CDC14B: variants seen among roughly 807,000 people sequenced by gnomAD.
The protein encoded by CDC14B is dual specificity protein phosphatase CDC14B.
CDC14B carries 22 observed loss-of-function variants against 64.2 expected under a neutral mutation model. That is an observed-to-expected ratio of 0.34 (90% CI 0.24 to 0.49). The LOEUF is 0.49. Ranked by LOEUF, CDC14B falls within the 20% of genes least tolerant of loss-of-function variation. The probability of loss-of-function intolerance (pLI) is 0.99; values close to 1 mark genes in which losing one functional copy is unlikely to be tolerated. For synonymous variants in CDC14B, 191 were observed against 215.8 expected (o/e 0.89, Z 1.01); for missense variants, 498 against 629.9 (o/e 0.79, Z 2.24).
chr9:96,593,857 T>G (rs1845915063), intron 1 of CDC14B, among the ~76,000 whole-genome samples: 1 of 152,048 alleles, frequency 6.6e-6, no homozygotes, highest in Non-Finnish European at 1.5e-5. Flanking sequence ...ATGATAAAGA[T>G]GATAAACCAG....
chr9:96,518,088 G>A (rs1009344368), intron 12 of CDC14B, among the ~76,000 whole-genome samples: 19 of 152,240 alleles, frequency 1.2e-4, no homozygotes, highest in Admixed American at 2.6e-4. Flanking sequence ...TGGTCACCTG[G>A]ATACATCTGT....
At chr9:96,533,083 CAGCCTCCAAAGT>C in intron 9 of CDC14B, among the ~76,000 whole-genome samples, 1 of 152,240 alleles carries the variant, frequency 6.6e-6, no homozygotes, top group East Asian at 1.9e-4. Flanking sequence ...TTTTGTGCCT[CAGCCTCCAAAGT>C]AGCTGGGATT....
intron 1 of CDC14B, among the ~76,000 whole-genome samples, chr9:96,613,500 T>A (rs938232015): frequency 6.6e-6 from 1 of 152,240 alleles, no homozygotes. Context: ...AGGAGTGACA[T>A]TTGAAACTGT....
At chr9:96,552,797 G>A (rs1841998643) in intron 4 of CDC14B, among the ~76,000 whole-genome samples, 1 of 152,108 alleles carries the variant, frequency 6.6e-6, no homozygotes, top group Non-Finnish European at 1.5e-5. Flanking sequence ...TGTACGGAAG[G>A]TTGGGGTTGG....
chr9:96,524,139 T>C (rs1837208519), intron 9 of CDC14B, among the ~76,000 whole-genome samples: 1 of 152,240 alleles, frequency 6.6e-6, no homozygotes. Context: ...GGCTTCACCA[T>C]GTTGGCCAAG....
intron 1 of CDC14B, among the ~76,000 whole-genome samples, chr9:96,611,708 GGAAAGGTCCTTT>G (rs1457008407): frequency 6.6e-6 from 1 of 151,968 alleles, no homozygotes; most frequent in Non-Finnish European, 1.5e-5. Context: ...CATTAAGCAT[GGAAAGGTCCTTT>G]GAAAGCAATT....
chr9:96,520,470 C>T (rs549407825), intron 12 of CDC14B, among the ~76,000 whole-genome samples: 3 of 152,240 alleles, frequency 2.0e-5, no homozygotes, highest in East Asian at 1.9e-4. Flanking sequence ...CTCAGCCTCC[C>T]GCATAGCCTG....
At chr9:96,557,267 C>T (rs934328717) in intron 4 of CDC14B, among the ~76,000 whole-genome samples, 5 of 152,350 alleles carry the variant, frequency 3.3e-5, no homozygotes, top group Middle Eastern at 3.4e-3. Context: ...CAGCCCAGTT[C>T]GCCTCACACT....
chr9:96,567,133 C>T, intron 1 of CDC14B: 2 of 511,924 alleles, frequency 3.9e-6, no homozygotes, highest in Non-Finnish European at 6.7e-6. Context: ...CGGCCTGTGC[C>T]AACCAGGGCT....
intron 1 of CDC14B, among the ~76,000 whole-genome samples, chr9:96,576,872 A>G (rs1844842142): frequency 6.6e-6 from 1 of 152,190 alleles, no homozygotes; most frequent in African/African-American, 2.4e-5. Flanking sequence ...TTCAGTTGTC[A>G]TGTGTTAGGT....
At chr9:96,539,658 A>G (rs989298236) in intron 6 of CDC14B, among the ~76,000 whole-genome samples, 1 of 152,224 alleles carries the variant, frequency 6.6e-6, no homozygotes, top group Non-Finnish European at 1.5e-5. Context: ...ATGTTCCCTA[A>G]AGTAAACAGC....
At chr9:96,549,434 A>C in intron 5 of CDC14B, among the ~76,000 whole-genome samples, 1 of 152,166 alleles carries the variant, frequency 6.6e-6, no homozygotes, top group Non-Finnish European at 1.5e-5. Context: ...TGGGAGGCTG[A>C]GGCGGGCGGA....
intron 1 of CDC14B, among the ~76,000 whole-genome samples, chr9:96,576,567 A>G (rs1424383185): frequency 3.4e-5 from 5 of 148,636 alleles, no homozygotes; most frequent in African/African-American, 1.2e-4. Context: ...CAGGATGCAG[A>G]GACTGCAGGG....
At position 96,573,341 on chromosome 9, in the gene CDC14B, G is replaced by C. The variant is rs148566650; in HGVS notation, c.161-7858C>G. Among the ~76,000 whole-genome samples, 365 of 151,868 alleles carry C rather than the reference G, an allele frequency of 2.4e-3. 2 individuals carry two copies. The highest frequency in any genetic ancestry group is 8.5e-3 in the African/African-American group (353 of 41,424). ...AACAAAAAAAATACAGATGAGAATC[G>C]GCAGATAAACTACTCAAATAAATAA... is the stretch of plus-strand genomic sequence containing the variant. On this transcript the variant is annotated intron_variant, in intron 1 of 13. Coordinates refer to ENST00000375241, the MANE Select transcript of CDC14B (RefSeq NM_033331.4).
chr9:96,588,353 T>C (rs1845576137), intron 1 of CDC14B, among the ~76,000 whole-genome samples: 1 of 152,208 alleles, frequency 6.6e-6, no homozygotes, highest in Non-Finnish European at 1.5e-5. Flanking sequence ...GCAACTCCAC[T>C]GGAAGCCAAA....
At chr9:96,560,582 CTCTT>C (rs1843016821) in intron 4 of CDC14B, among the ~76,000 whole-genome samples, 1 of 127,690 alleles carries the variant, frequency 7.8e-6, no homozygotes, top group Non-Finnish European at 1.6e-5. Context: ...TTTTCTCTTT[CTCTT>C]TTTTTTTTTT....
intron 4 of CDC14B, among the ~76,000 whole-genome samples, chr9:96,553,361 T>C (rs1322543402): frequency 9.1e-6 from 1 of 109,784 alleles, no homozygotes; most frequent in Non-Finnish European, 1.7e-5. Context: ...TTTTCTTTTC[T>C]TTTTTTTTTT....
At chr9:96,521,357 G>T (rs1836688264) in intron 12 of CDC14B, among the ~76,000 whole-genome samples, 1 of 152,170 alleles carries the variant, frequency 6.6e-6, no homozygotes, top group Admixed American at 6.5e-5. Flanking sequence ...GGGATTACAG[G>T]CATGAGCCAC....
Position 96,509,656 on chromosome 9 carries a change from T to G in CDC14B, c.1460+17A>C. 1.4e-6 allele frequency: 2 copies of G among 1,452,324 alleles called. No homozygotes were observed. The highest frequency in any genetic ancestry group is 1.7e-5 in the Admixed American group (1 of 59,632). The allele number at this position is 1,452,324 out of a possible 1,614,324, so 90.0% of individuals were successfully genotyped here. On this transcript the variant is annotated intron_variant, in intron 13 of 13. Coordinates refer to ENST00000375241, the MANE Select transcript of CDC14B (RefSeq NM_033331.4). ...AAACGCTTGCAACTTTTCAGAAGAG[T>G]AGGATTCTTTTCTCACCTTTTAACA...
Sources: allele counts gnomAD v4.1 joint callset (sites outside exome capture counted in the v4.1 genomes callset), GRCh38; gene constraint gnomAD v4.1.1; transcripts MANE v1.5; gene names NCBI Gene and HGNC (gene_info 2026-07-23, HGNC 2026-07-21).